Variants in PKD1L1 observed in about 807,000 individuals in gnomAD.
The protein encoded by PKD1L1 is polycystin-1-like protein 1.
In PKD1L1, 236 loss-of-function variants were observed where a neutral mutation model predicts 323.4. That is an observed-to-expected ratio of 0.73 (90% CI 0.66 to 0.81). The LOEUF is 0.81. Ranked by LOEUF, PKD1L1 falls within the 40% of genes least tolerant of loss-of-function variation. The pLI, the probability that PKD1L1 is intolerant of heterozygous loss-of-function variation, is 0.00. For synonymous variants in PKD1L1, 1,344 were observed against 1,335.0 expected (o/e 1.01, Z -0.15); for missense variants, 3,320 against 3,508.0 (o/e 0.95, Z 1.35).
chr7:47,829,321 G>A, intron 44 of PKD1L1, 104 bp downstream of exon 44: 1 of 1,177,686 alleles, frequency 8.5e-7, no homozygotes, highest in East Asian at 2.5e-5. Flanking sequence ...GGTCTCCAAA[G>A]ATGCAACCCA....
intron 4 of PKD1L1, among the ~76,000 whole-genome samples, chr7:47,933,103 G>A (rs1385668636): frequency 6.6e-6 from 1 of 152,208 alleles, no homozygotes. Context: ...AGGAATGCGA[G>A]TCCCTTTAAA....
Position 47,871,000 on chromosome 7 carries a change from G to A in PKD1L1, c.3896+2899C>T, listed in dbSNP as rs112865865. On this transcript the variant is annotated intron_variant, in intron 24 of 56. Coordinates refer to ENST00000289672, the MANE Select transcript of PKD1L1 (RefSeq NM_138295.5). Reference sequence around the variant, plus strand: ...AAAAAAAAAGAAAAAAAAAAAAAAAGGAATACTTCCAAATTGATTGGGGCC... The same window carrying A: ...AAAAAAAAAGAAAAAAAAAAAAAAAAGAATACTTCCAAATTGATTGGGGCC... 8.5e-4 allele frequency among the ~76,000 whole-genome samples: 119 copies of A among 140,290 alleles called. 1 individual carries two copies. Among genetic ancestry groups the A allele is most frequent in the African/African-American group, 2.5e-3 (93 of 37,936 alleles). 92.0% of individuals were successfully genotyped at this position (140,290 alleles called of 152,430 possible). A position where few individuals can be genotyped will look rare whatever the true frequency, so the allele number is the denominator to read the frequency against.
intron 24 of PKD1L1, among the ~76,000 whole-genome samples, chr7:47,873,585 T>G (rs1461451175): frequency 6.9e-6 from 1 of 144,250 alleles, no homozygotes; most frequent in Non-Finnish European, 1.5e-5. Flanking sequence ...AGGTGGAGGT[T>G]GCAAGTGAGC....
chr7:47,783,209 G>T (rs536323014), intron 56 of PKD1L1, among the ~76,000 whole-genome samples: 1 of 152,176 alleles, frequency 6.6e-6, no homozygotes, highest in South Asian at 2.1e-4. Context: ...ATCATCTTTT[G>T]TTATTACTTG....
At chr7:47,794,886 G>A (rs1784484084) in intron 55 of PKD1L1, among the ~76,000 whole-genome samples, 1 of 152,160 alleles carries the variant, frequency 6.6e-6, no homozygotes, top group Non-Finnish European at 1.5e-5. Flanking sequence ...TTTTGGACTG[G>A]TATGGGGCCT....
chr7:47,863,258 G>A (rs1180343906), intron 26 of PKD1L1, among the ~76,000 whole-genome samples: 1 of 152,122 alleles, frequency 6.6e-6, no homozygotes, highest in East Asian at 1.9e-4. Context: ...GTTGGGGGAG[G>A]AGCCCACTCT....
intron 49 of PKD1L1, among the ~76,000 whole-genome samples, chr7:47,812,439 G>T (rs1784921398): frequency 6.6e-6 from 1 of 152,118 alleles, no homozygotes; most frequent in South Asian, 2.1e-4. Context: ...CAAACAAGCT[G>T]GGAGAAGGCA....
intron 13 of PKD1L1, among the ~76,000 whole-genome samples, chr7:47,899,651 G>T (rs1325307179): frequency 1.3e-5 from 2 of 151,814 alleles, no homozygotes; most frequent in Non-Finnish European, 2.9e-5. Flanking sequence ...TTTCCTGAAG[G>T]TTCCCTAAAA....
At chr7:47,959,651 G>T in the PKD1L1 span, among the ~76,000 whole-genome samples, 11 of 120,708 alleles carry the variant, frequency 9.1e-5, 3 homozygotes, top group Non-Finnish European at 1.9e-4. Flanking sequence ...GGAGGGAGGT[G>T]GGGGTCAGCC....
Position 47,853,165 on chromosome 7 carries a change from G to C in PKD1L1, c.4922C>G (p.Ser1641Ter). 1 of 1,613,752 alleles carries C rather than the reference G, an allele frequency of 6.2e-7. No homozygotes were observed. The highest frequency in any genetic ancestry group is 8.5e-7 in the Non-Finnish European group (1 of 1,179,710). The change falls in exon 31 of 57, where the codon TCA becomes TGA. Residue 1641 changes from serine to a stop codon, truncating the protein, a stop_gained. Transcript: ENST00000289672. LOFTEE classifies it high-confidence loss of function. The stretch of plus-strand genomic sequence containing the variant: ...AGCAGGTATATAAATCTGCACAATT[G>C]ACTCATCCCAGAAGTAGATCTGCTT... ...LVKQIYFWDE[S>*]IVQIYIPAAS... is the part of the protein sequence containing the mutation.
intron 24 of PKD1L1, among the ~76,000 whole-genome samples, chr7:47,872,373 T>C (rs1786300574): frequency 1.4e-5 from 1 of 70,630 alleles, no homozygotes; most frequent in South Asian, 4.5e-4. Flanking sequence ...GGGCTCAGGT[T>C]TTTCAGTTTC....
chr7:47,829,721 A>G (rs1785305735), intron 43 of PKD1L1, 120 bp from the exon 44 acceptor site: 2 of 1,084,146 alleles, frequency 1.8e-6, no homozygotes, highest in Non-Finnish European at 2.6e-6. Flanking sequence ...TAAAGACACC[A>G]GTAGTCACTG....
chr7:47,827,347 C>T lies in PKD1L1; in HGVS notation c.6854+3G>A. 1.9e-6 allele frequency: 3 copies of T among 1,604,140 alleles called. No individual in the cohort carries two copies. The highest frequency in any genetic ancestry group is 1.7e-6 in the Non-Finnish European group (2 of 1,175,114). On this transcript the variant is annotated splice_donor_region_variant and intron_variant, in intron 45 of 56. Transcript: ENST00000289672. Reference sequence around the variant, plus strand: ...AGCCCTCCCGACAGAAGCCGCCACCCACCTCAGGGCAGCCCGTGTGCGACT... The same window carrying T: ...AGCCCTCCCGACAGAAGCCGCCACCTACCTCAGGGCAGCCCGTGTGCGACT...
At chr7:47,944,346 G>C (rs1411953148) in intron 1 of PKD1L1, among the ~76,000 whole-genome samples, 1 of 152,170 alleles carries the variant, frequency 6.6e-6, no homozygotes, top group African/African-American at 2.4e-5. Context: ...AGCTTCCTGA[G>C]GCCTCCCCAG....
chr7:47,858,093 A>G (rs1037629026), intron 27 of PKD1L1, among the ~76,000 whole-genome samples: 3 of 152,146 alleles, frequency 2.0e-5, no homozygotes, highest in Non-Finnish European at 2.9e-5. Flanking sequence ...ATGTTACAGT[A>G]GCCATCCGTT....
intron 46 of PKD1L1, chr7:47,819,430 G>T: frequency 1.2e-5 from 9 of 772,896 alleles, no homozygotes; most frequent in Non-Finnish European, 1.6e-5. Flanking sequence ...AAATAAACTA[G>T]CAAAAGCCAG....
At chr7:47,863,447 A>G (rs1193800141) in intron 26 of PKD1L1, among the ~76,000 whole-genome samples, 1 of 152,002 alleles carries the variant, frequency 6.6e-6, no homozygotes, top group Non-Finnish European at 1.5e-5. Flanking sequence ...GTGGACAGAG[A>G]ATCTAGGAGG....
chr7:47,950,925 T>C (rs138424483), upstream of PKD1L1, among the ~76,000 whole-genome samples: 200 of 152,300 alleles, frequency 1.3e-3, 1 homozygote, highest in African/African-American at 4.4e-3. Flanking sequence ...CCAGTTCATC[T>C]ACATTCTTGG....
Position 47,864,633 on chromosome 7 carries a change from T to TTTCTTTCC in PKD1L1, c.4149+582_4149+583insGGAAAGAA, listed in dbSNP as rs1554404342. ...CTTTCTTTCTTTCTTTCTTTCTTTC[T>TTTCTTTCC]TTCCTTCCTTCCTTCCTTCCTCCCT... On this transcript the variant is annotated intron_variant, in intron 26 of 56. Transcript: ENST00000289672. Among the ~76,000 whole-genome samples, 275 of 114,722 alleles carry TTTCTTTCC rather than the reference T, an allele frequency of 2.4e-3. 1 individual carries two copies. Among genetic ancestry groups the TTTCTTTCC allele is most frequent in the Non-Finnish European group, 3.8e-3 (205 of 54,620 alleles). The allele number at this position is 114,722 out of a possible 152,430, so 75.3% of individuals were successfully genotyped here. A position where few individuals can be genotyped will look rare whatever the true frequency, so the allele number is the denominator to read the frequency against.
Sources: allele counts gnomAD v4.1 joint callset (sites outside exome capture counted in the v4.1 genomes callset), GRCh38; gene constraint gnomAD v4.1.1; transcripts MANE v1.5; gene names NCBI Gene and HGNC (gene_info 2026-07-23, HGNC 2026-07-21).